The following SLIT2 variants were observed in gnomAD, a reference collection of about 807,000 sequenced individuals.
The protein encoded by SLIT2 is slit guidance ligand 2.
Under a neutral mutation model 185.7 loss-of-function variants are expected in SLIT2, and 41 were observed. The ratio of observed to expected loss-of-function variants is 0.22; its 90% confidence interval spans 0.17 to 0.29. The LOEUF is 0.29. SLIT2 is among the 10% of genes least tolerant of loss of function. The probability of loss-of-function intolerance (pLI) is 1.00; values close to 1 mark genes in which losing one functional copy is unlikely to be tolerated. For missense variants in SLIT2, 1,571 were observed against 1,909.0 expected (o/e 0.82, Z 3.30); for synonymous variants, 693 against 680.2 (o/e 1.02, Z -0.29).
At chr4:20,606,494 G>A (rs1426783674) in intron 33 of SLIT2, among the ~76,000 whole-genome samples, 4 of 142,668 alleles carry the variant, frequency 2.8e-5, no homozygotes, top group Non-Finnish European at 6.2e-5. Flanking sequence ...AAAAAAAAAA[G>A]GAATCTAAAA....
chr4:20,619,138 G>A lies in SLIT2; in HGVS notation c.*129G>A. 9.9e-6 allele frequency: 9 copies of A among 912,596 alleles called. No homozygotes were observed. Among genetic ancestry groups the A allele is most frequent in the South Asian group, 9.5e-5 (3 of 31,522 alleles). The allele number at this position is 912,596 out of a possible 1,614,324, so 56.5% of individuals were successfully genotyped here. A position where few individuals can be genotyped will look rare whatever the true frequency, so the allele number is the denominator to read the frequency against. On this transcript the variant is annotated 3_prime_UTR_variant, in exon 37 of 37. Transcript: ENST00000504154. Reference sequence around the variant, plus strand: ...TACAGAACAGACTTATTTTTATTATGAGAATAAAGACTTTTTTTCTGCATT... The same window carrying A: ...TACAGAACAGACTTATTTTTATTATAAGAATAAAGACTTTTTTTCTGCATT...
At chr4:20,607,095 A>G (rs1728847816) in intron 33 of SLIT2, among the ~76,000 whole-genome samples, 1 of 152,162 alleles carries the variant, frequency 6.6e-6, no homozygotes, top group Non-Finnish European at 1.5e-5. Flanking sequence ...ATGAGGTAAT[A>G]CTTGTAAAGT....
chr4:20,393,461 T>C (rs541149369), intron 4 of SLIT2: 1 of 152,236 alleles, frequency 6.6e-6, no homozygotes, highest in Admixed American at 6.6e-5. Flanking sequence ...CTAGTGAGCA[T>C]TTTTTAATAA....
intron 29 of SLIT2, among the ~76,000 whole-genome samples, chr4:20,582,575 G>A (rs548455638): frequency 5.4e-4 from 82 of 152,254 alleles, no homozygotes; most frequent in African/African-American, 1.9e-3. Flanking sequence ...AGCATGCATG[G>A]TGGCTGTAAC....
intron 3 of SLIT2, among the ~76,000 whole-genome samples, chr4:20,263,759 G>A (rs543358464): frequency 6.6e-6 from 1 of 151,904 alleles, no homozygotes; most frequent in Admixed American, 6.6e-5. Context: ...GTGGCAATAA[G>A]TAAGATAATG....
intron 29 of SLIT2, among the ~76,000 whole-genome samples, chr4:20,571,714 T>C (rs1448335676): frequency 6.6e-6 from 1 of 152,228 alleles, no homozygotes; most frequent in Non-Finnish European, 1.5e-5. Flanking sequence ...GGGAATATAA[T>C]AGTGTTGTCA....
At chr4:20,583,258 G>A (rs571003523) in intron 29 of SLIT2, among the ~76,000 whole-genome samples, 1 of 152,240 alleles carries the variant, frequency 6.6e-6, no homozygotes, top group East Asian at 1.9e-4. Flanking sequence ...TCTAGCATTG[G>A]TAGAGGTCCC....
At chr4:20,554,738 G>A (rs1400771972) in intron 26 of SLIT2, among the ~76,000 whole-genome samples, 2 of 151,246 alleles carry the variant, frequency 1.3e-5, no homozygotes, top group East Asian at 3.9e-4. Context: ...CTTAGATTGT[G>A]GGGTTTTGGG....
In SLIT2 at chr4:20,446,236, A is replaced by T. The variant is rs192528412; in HGVS notation, c.396-21516A>T. Among the ~76,000 whole-genome samples, 338 of 152,342 alleles carry T rather than the reference A, an allele frequency of 2.2e-3. 1 individual carries two copies. The highest frequency in any genetic ancestry group is 4.1e-3 in the Non-Finnish European group (278 of 68,032). ...AAGAGGGAAGCTGAGAATTGTTAAC[A>T]ACAGAGCTCAGCCATGAGCTTGATT... On this transcript the variant is annotated intron_variant, in intron 4 of 36. Transcript: ENST00000504154.
At chr4:20,519,827 T>G (rs1452031055) in intron 12 of SLIT2, among the ~76,000 whole-genome samples, 1 of 151,494 alleles carries the variant, frequency 6.6e-6, no homozygotes, top group Non-Finnish European at 1.5e-5. Flanking sequence ...GGTCAGGAGA[T>G]CCAGACCATC....
intron 4 of SLIT2, among the ~76,000 whole-genome samples, chr4:20,386,862 A>G (rs774784419): frequency 1.1e-4 from 17 of 152,232 alleles, no homozygotes; most frequent in Non-Finnish European, 2.1e-4. Flanking sequence ...CATTTTCTAA[A>G]TAATGAAACA....
At chr4:20,330,133 T>C (rs935567832) in intron 4 of SLIT2, among the ~76,000 whole-genome samples, 4 of 152,120 alleles carry the variant, frequency 2.6e-5, no homozygotes, top group Non-Finnish European at 4.4e-5. Context: ...AATTTGGCAG[T>C]GTTGATTGTG....
chr4:20,339,035 G>A (rs1333248748), intron 4 of SLIT2, among the ~76,000 whole-genome samples: 1 of 147,580 alleles, frequency 6.8e-6, no homozygotes, highest in Non-Finnish European at 1.5e-5. Context: ...TGAGCTTATG[G>A]TGAGGTATGA....
intron 20 of SLIT2, among the ~76,000 whole-genome samples, chr4:20,542,195 C>T (rs527880927): frequency 1.3e-5 from 2 of 152,288 alleles, no homozygotes; most frequent in East Asian, 1.9e-4. Context: ...ATTCACTTTG[C>T]ATTTACATAT....
intron 4 of SLIT2, among the ~76,000 whole-genome samples, chr4:20,275,568 G>T (rs1346573460): frequency 6.6e-6 from 1 of 152,110 alleles, no homozygotes; most frequent in Non-Finnish European, 1.5e-5. Flanking sequence ...CAGCCCTCTT[G>T]CATTTATCCT....
intron 29 of SLIT2, among the ~76,000 whole-genome samples, chr4:20,569,415 C>T (rs889078192): frequency 2.6e-5 from 4 of 152,020 alleles, no homozygotes; most frequent in African/African-American, 7.2e-5. Context: ...CTTGTGTCTT[C>T]GCTAGTGAGT....
intron 11 of SLIT2, among the ~76,000 whole-genome samples, chr4:20,512,038 T>C (rs1339397700): frequency 6.6e-6 from 1 of 152,218 alleles, no homozygotes; most frequent in Non-Finnish European, 1.5e-5. Context: ...GTTATTAATA[T>C]TACTTCACAC....
intron 4 of SLIT2, among the ~76,000 whole-genome samples, chr4:20,432,007 G>A (rs1729028836): frequency 1.3e-5 from 2 of 151,250 alleles, no homozygotes; most frequent in Admixed American, 1.3e-4. Context: ...CTCTCTGTGT[G>A]TGTGTGTGCT....
intron 4 of SLIT2, among the ~76,000 whole-genome samples, chr4:20,442,784 A>G (rs1374351052): frequency 2.0e-5 from 3 of 152,144 alleles, no homozygotes; most frequent in Admixed American, 1.3e-4. Context: ...CTCTATTGCC[A>G]GCAAACTCTA....
Sources: gnomAD v4.1 joint callset for allele counts (sites outside exome capture counted in the v4.1 genomes callset) on GRCh38, gnomAD v4.1.1 for gene constraint, MANE v1.5 for transcripts, NCBI Gene and HGNC (gene_info 2026-07-23, HGNC 2026-07-21) for gene names.